Variants in UGT1A5 observed in about 807,000 individuals in gnomAD.
UGT1A5 encodes UDP-glucuronosyltransferase 1A5.
UGT1A5 carries 29 observed loss-of-function variants against 40.3 expected under a neutral mutation model. The observed-to-expected ratio is 0.72, with a 90% CI of 0.54 to 0.98. UGT1A5 has a LOEUF of 0.98. Ranked by LOEUF, UGT1A5 falls within the 50% of genes least tolerant of loss-of-function variation. UGT1A5 has a pLI of 0.00. For synonymous variants in UGT1A5, 257 were observed against 262.5 expected (o/e 0.98, Z 0.20); for missense variants, 678 against 677.9 (o/e 1.00, Z 0.00).
chr2:233,761,975 T>C (rs1697919951), intron 1 of UGT1A5, among the ~76,000 whole-genome samples: 1 of 152,208 alleles, frequency 6.6e-6, no homozygotes, highest in South Asian at 2.1e-4. Flanking sequence ...TGATATCACC[T>C]TCGGAGGTGA....
At chr2:233,730,740 A>G (rs1421487405) in intron 1 of UGT1A5, among the ~76,000 whole-genome samples, 1 of 152,154 alleles carries the variant, frequency 6.6e-6, no homozygotes, top group East Asian at 1.9e-4. Context: ...GGAAGGGGCT[A>G]GGGAGGAGAT....
rs917913178 is a variant in UGT1A5 at position 233,713,552 on chromosome 2, T to G, written c.561T>G (p.Cys187Trp). ...ATTTAGACTTTAAGGGCACACAGTG[T>G]CCAAACCCTTCCTCCTATATTCCTA... ...PCDLDFKGTQ[C>W]PNPSSYIPRL... The change falls in exon 1 of 5, where the codon TGT becomes TGG. Residue 187 changes from cysteine (C) to tryptophan (W), a missense_variant. Coordinates refer to ENST00000373414, the MANE Select transcript of UGT1A5 (RefSeq NM_019078.2). The G allele has an allele frequency of 1.9e-6, 3 of 1,613,858 alleles. No individual in the cohort carries two copies. Among genetic ancestry groups the G allele is most frequent in the Non-Finnish European group, 2.5e-6 (3 of 1,179,870 alleles).
At chr2:233,764,663 C>T (rs4148325) in intron 1 of UGT1A5, among the ~76,000 whole-genome samples, 54,844 of 151,792 alleles carry the variant, frequency 0.36, 10,318 homozygotes, top group African/African-American at 0.45. Flanking sequence ...CATTTACCAA[C>T]GCTCAGAAGA....
chr2:233,714,792 G>A (rs1347509231), intron 1 of UGT1A5, among the ~76,000 whole-genome samples: 5 of 152,156 alleles, frequency 3.3e-5, no homozygotes, highest in Non-Finnish European at 7.3e-5. Context: ...CACATTTCAA[G>A]TGCTCAATAT....
intron 1 of UGT1A5, chr2:233,743,575 G>A (rs1692358065): frequency 7.3e-7 from 1 of 1,367,206 alleles, no homozygotes; most frequent in East Asian, 4.5e-5. Flanking sequence ...GGTTTCCCAA[G>A]AGGTCAAAGG....
At chr2:233,766,435 T>C (rs913964749) in intron 1 of UGT1A5, among the ~76,000 whole-genome samples, 5 of 152,184 alleles carry the variant, frequency 3.3e-5, no homozygotes, top group African/African-American at 1.2e-4. Flanking sequence ...TCCAGCTACC[T>C]GTGTGTCTGC....
chr2:233,746,804 G>A (rs960699713), intron 1 of UGT1A5, among the ~76,000 whole-genome samples: 7 of 151,820 alleles, frequency 4.6e-5, no homozygotes, highest in African/African-American at 1.7e-4. Flanking sequence ...GAGCGTGAAT[G>A]TGGATTGCCT....
intron 1 of UGT1A5, chr2:233,747,379 A>G: frequency 1.2e-6 from 2 of 1,605,180 alleles, no homozygotes; most frequent in South Asian, 1.1e-5. Flanking sequence ...GCCAGAGGCC[A>G]CCAGGCGGTG....
intron 1 of UGT1A5, among the ~76,000 whole-genome samples, chr2:233,758,422 T>G (rs1696873705): frequency 6.6e-6 from 1 of 152,238 alleles, no homozygotes; most frequent in South Asian, 2.1e-4. Flanking sequence ...AATCTGCAAA[T>G]GAACTCACAC....
intron 1 of UGT1A5, among the ~76,000 whole-genome samples, chr2:233,749,397 T>C (rs756585861): frequency 1.2e-4 from 18 of 151,970 alleles, no homozygotes; most frequent in Admixed American, 2.0e-4. Context: ...TGTGAACATA[T>C]TCTCTAGTGT....
intron 1 of UGT1A5, chr2:233,754,702 T>A (rs1695559968): frequency 5.8e-6 from 3 of 514,810 alleles, no homozygotes; most frequent in Non-Finnish European, 1.1e-5. Context: ...GAAGTCGACA[T>A]GGACTTGAAG....
chr2:233,755,066 A>G, intron 1 of UGT1A5: 1 of 1,335,668 alleles, frequency 7.5e-7, no homozygotes, highest in Non-Finnish European at 1.0e-6. Flanking sequence ...TCGCCTCGCC[A>G]TAGCGGTCAT....
intron 1 of UGT1A5, among the ~76,000 whole-genome samples, chr2:233,715,257 C>T (rs193085198): frequency 2.7e-4 from 41 of 152,160 alleles, no homozygotes; most frequent in African/African-American, 9.4e-4. Context: ...TTAAAAAATC[C>T]CCTTACATAA....
At chr2:233,725,000 C>T (rs545326443) in intron 1 of UGT1A5, among the ~76,000 whole-genome samples, 7 of 147,222 alleles carry the variant, frequency 4.8e-5, no homozygotes, top group Admixed American at 1.4e-4. Context: ...GGCTGGAGAC[C>T]GGCCCGGCCA....
At chr2:233,753,773 C>G (rs1417094785) in intron 1 of UGT1A5, 1 of 152,234 alleles carries the variant, frequency 6.6e-6, no homozygotes, top group East Asian at 1.9e-4. Flanking sequence ...TTTGGAAACG[C>G]TTTTCTTTAC....
intron 1 of UGT1A5, among the ~76,000 whole-genome samples, chr2:233,744,726 G>GA (rs1261964774): frequency 2.6e-5 from 4 of 151,822 alleles, no homozygotes; most frequent in African/African-American, 9.7e-5. Context: ...GAATGACGGT[G>GA]AAAAAATCAA....
intron 1 of UGT1A5, among the ~76,000 whole-genome samples, chr2:233,757,279 A>C (rs1159492481): frequency 7.8e-6 from 1 of 127,878 alleles, no homozygotes; most frequent in Non-Finnish European, 1.6e-5. Flanking sequence ...GCAATGATTC[A>C]GAAGGGACAG....
intron 1 of UGT1A5, chr2:233,748,136 T>A: frequency 6.2e-7 from 1 of 1,609,324 alleles, no homozygotes; most frequent in Non-Finnish European, 8.5e-7. Context: ...TTTTAAAAAT[T>A]GTATTTACTT....
chr2:233,757,188 C>G (rs1300047445), intron 1 of UGT1A5, among the ~76,000 whole-genome samples: 1 of 150,488 alleles, frequency 6.6e-6, no homozygotes, highest in African/African-American at 2.5e-5. Flanking sequence ...GCAGAGGACT[C>G]TGAATTTTCT....
Sources: gnomAD v4.1 joint callset for allele counts (sites outside exome capture counted in the v4.1 genomes callset) on GRCh38, gnomAD v4.1.1 for gene constraint, MANE v1.5 for transcripts, NCBI Gene and HGNC (gene_info 2026-07-23, HGNC 2026-07-21) for gene names.